Variants in ARG2 observed in about 807,000 individuals in gnomAD.
The protein encoded by ARG2 is arginase 2.
Under a neutral mutation model 39.4 loss-of-function variants are expected in ARG2, and 21 were observed. The observed-to-expected ratio is 0.53, with a 90% CI of 0.38 to 0.77. The LOEUF is 0.77. Ranked by LOEUF, ARG2 falls within the 30% of genes least tolerant of loss-of-function variation. The pLI is 0.00. For synonymous variants in ARG2, 150 were observed against 156.7 expected (o/e 0.96, Z 0.32); for missense variants, 378 against 426.2 (o/e 0.89, Z 1.00).
At chr14:67,641,795 A>C (rs1344689075) in intron 2 of ARG2, among the ~76,000 whole-genome samples, 1 of 152,072 alleles carries the variant, frequency 6.6e-6, no homozygotes, top group Non-Finnish European at 1.5e-5. Context: ...AGTTTAAAAA[A>C]ATGAGACTCT....
chr14:67,643,615 G>A (rs2037060035), intron 3 of ARG2, among the ~76,000 whole-genome samples: 1 of 152,158 alleles, frequency 6.6e-6, no homozygotes, highest in Non-Finnish European at 1.5e-5. Context: ...CTTGAGCCCA[G>A]GAGTTTGAGG....
chr14:67,650,656 A>C, intron 7 of ARG2, 59 bp from the exon 8 acceptor site: 1 of 1,467,936 alleles, frequency 6.8e-7, no homozygotes, highest in Non-Finnish European at 9.5e-7. Context: ...CAGTGGGATG[A>C]CCCTCACTGA....
Position 67,642,178 on chromosome 14 carries a change from G to A in ARG2, c.185-8G>A. 1 of 1,612,486 alleles carries A rather than the reference G, an allele frequency of 6.2e-7. No individual in the cohort carries two copies. The highest frequency in any genetic ancestry group is 8.5e-7 in the Non-Finnish European group (1 of 1,178,652). The stretch of plus-strand genomic sequence containing the variant: ...AAATTCATCTTGTCATCCCTCATTT[G>A]CTTCCAGGCTGCCACCTAAAAGACT... On this transcript the variant is annotated splice_region_variant and splice_polypyrimidine_tract_variant and intron_variant, in intron 2 of 7. Coordinates refer to ENST00000261783, the MANE Select transcript of ARG2 (RefSeq NM_001172.4).
chr14:67,646,803 C>T (rs1188586169), intron 5 of ARG2, 65 bp downstream of exon 5: 21 of 1,469,730 alleles, frequency 1.4e-5, no homozygotes, highest in Non-Finnish European at 1.9e-5. Flanking sequence ...ATTTGAAAGG[C>T]TGATGCTTAA....
chr14:67,648,344 T>A, intron 7 of ARG2, 161 bp downstream of exon 7: 1 of 737,938 alleles, frequency 1.4e-6, no homozygotes, highest in Non-Finnish European at 2.1e-6. Context: ...ATAAAAAGGA[T>A]ATAGTCCTTT....
At chr14:67,645,385 G>A (rs2037084389) in intron 3 of ARG2, among the ~76,000 whole-genome samples, 1 of 152,042 alleles carries the variant, frequency 6.6e-6, no homozygotes, top group Non-Finnish European at 1.5e-5. Context: ...AAAATTATAC[G>A]GATTTGGGGA....
Position 67,648,189 on chromosome 14 carries a change from T to C in ARG2, c.859+6T>C. 6.2e-7 allele frequency: 1 copy of C among 1,611,562 alleles called. No individual in the cohort carries two copies. The highest frequency in any genetic ancestry group is 8.5e-7 in the Non-Finnish European group (1 of 1,178,416). Reference sequence around the variant, plus strand: ...TGAGGAAATACACAATACAGGTATGTAGCAACCAGGTCTGCAGCCTGTTAA... The same window carrying C: ...TGAGGAAATACACAATACAGGTATGCAGCAACCAGGTCTGCAGCCTGTTAA... On this transcript the variant is annotated splice_donor_region_variant and intron_variant, in intron 7 of 7. Coordinates refer to ENST00000261783, the MANE Select transcript of ARG2 (RefSeq NM_001172.4).
At chr14:67,647,949 CA>C in intron 6 of ARG2, 97 bp from the exon 7 acceptor site, 1 of 1,198,290 alleles carries the variant, frequency 8.3e-7, no homozygotes, top group Non-Finnish European at 1.2e-6. Context: ...GGACTAATAG[CA>C]ACAAAATCAA....
In ARG2 at chr14:67,651,080, A is replaced by T. The variant is rs2037168911; in HGVS notation, c.*160A>T. 1 of 958,254 alleles carries T rather than the reference A, an allele frequency of 1.0e-6. No individual in the cohort carries two copies. The highest frequency in any genetic ancestry group is 1.5e-6 in the Non-Finnish European group (1 of 648,148). 59.4% of individuals were successfully genotyped at this position (958,254 alleles called of 1,614,324 possible). On this transcript the variant is annotated 3_prime_UTR_variant, in exon 8 of 8. Transcript: ENST00000261783. Reference sequence around the variant, plus strand: ...AAGTTTCCCCTCTATTTTGGTGACCAATACTACTGTAAATGTATTTGGTTT... The same window carrying T: ...AAGTTTCCCCTCTATTTTGGTGACCTATACTACTGTAAATGTATTTGGTTT...
At chr14:67,622,386 T>G (rs1389916654) in intron 2 of ARG2, among the ~76,000 whole-genome samples, 1 of 152,206 alleles carries the variant, frequency 6.6e-6, no homozygotes, top group East Asian at 1.9e-4. Flanking sequence ...GAAACAGCCT[T>G]GAGTTGAGGT....
intron 2 of ARG2, among the ~76,000 whole-genome samples, chr14:67,629,936 TATAA>T (rs1356054833): frequency 3.9e-5 from 6 of 152,186 alleles, no homozygotes; most frequent in South Asian, 2.1e-4. Flanking sequence ...AAGACAAAAA[TATAA>T]ATAGTTTCAA....
At chr14:67,638,697 A>C (rs530825234) in intron 2 of ARG2, among the ~76,000 whole-genome samples, 45 of 152,352 alleles carry the variant, frequency 3.0e-4, no homozygotes, top group African/African-American at 1.1e-3. Flanking sequence ...TAGGCCACTC[A>C]GGCAGGGCCT....
chr14:67,621,065 G>C lies in ARG2; in HGVS notation c.184+99G>C, dbSNP rs149272041. On this transcript the variant is annotated intron_variant, in intron 2 of 7. Transcript: ENST00000261783. ...AGGGACTACACAGCTTTGTGTTTGGGAACAGTCTGCCACATCCCGCATCCT... is the reference window on the plus strand; with the variant it reads ...AGGGACTACACAGCTTTGTGTTTGGCAACAGTCTGCCACATCCCGCATCCT... 3.7e-5 allele frequency: 44 copies of C among 1,176,972 alleles called. No individual in the cohort carries two copies. In the African/African-American group the frequency reaches 5.5e-4, roughly 15 times the overall value. 72.9% of individuals were successfully genotyped at this position (1,176,972 alleles called of 1,614,324 possible). A position where few individuals can be genotyped will look rare whatever the true frequency, so the allele number is the denominator to read the frequency against.
chr14:67,620,733 G>C (rs2036800814), intron 1 of ARG2, among the ~76,000 whole-genome samples, 161 bp from the exon 2 acceptor site: 1 of 152,120 alleles, frequency 6.6e-6, no homozygotes. Context: ...GGCTTGGGCA[G>C]CTGATGTGAT....
At chr14:67,623,534 C>CTTTTTT (rs60604937) in intron 2 of ARG2, among the ~76,000 whole-genome samples, 24 of 82,948 alleles carry the variant, frequency 2.9e-4, no homozygotes, top group African/African-American at 1.0e-3. Context: ...CTCAGGTAAC[C>CTTTTTT]TTTTTTTTTT....
intron 2 of ARG2, among the ~76,000 whole-genome samples, chr14:67,623,175 CTG>C (rs2036828814): frequency 6.6e-6 from 1 of 152,192 alleles, no homozygotes; most frequent in Non-Finnish European, 1.5e-5. Flanking sequence ...TTAAATAAAA[CTG>C]TGGCTCTCAG....
At chr14:67,648,568 A>T (rs1379483752) in intron 7 of ARG2, 2 of 158,378 alleles carry the variant, frequency 1.3e-5, no homozygotes, top group Non-Finnish European at 2.8e-5. Context: ...GGAGTTGTGA[A>T]TTTGGAGCTA....
chr14:67,635,129 A>G lies in ARG2; in HGVS notation c.185-7057A>G, dbSNP rs1407440474. Among the ~76,000 whole-genome samples, 4 of 152,130 alleles carry G rather than the reference A, an allele frequency of 2.6e-5. No homozygotes were observed. In the East Asian group the frequency reaches 7.7e-4, roughly 29 times the overall value. On this transcript the variant is annotated intron_variant, in intron 2 of 7. Coordinates refer to ENST00000261783, the MANE Select transcript of ARG2 (RefSeq NM_001172.4). ...TATGGTGGCGCATGCCTGTAGTCCC[A>G]GCTACTCTGGAGGCTGATATGTGAG...
rs551887229 is a variant in ARG2 at position 67,642,178 on chromosome 14, G to T, written c.185-8G>T. 3.2e-4 allele frequency: 514 copies of T among 1,612,486 alleles called. 6 individuals carry two copies. In the South Asian group the frequency reaches 5.4e-3, roughly 17 times the overall value. ...AAATTCATCTTGTCATCCCTCATTT[G>T]CTTCCAGGCTGCCACCTAAAAGACT... is the stretch of plus-strand genomic sequence containing the variant. On this transcript the variant is annotated splice_region_variant and splice_polypyrimidine_tract_variant and intron_variant, in intron 2 of 7. Coordinates refer to ENST00000261783, the MANE Select transcript of ARG2 (RefSeq NM_001172.4).
Sources: gnomAD v4.1 joint callset for allele counts (sites outside exome capture counted in the v4.1 genomes callset) on GRCh38, gnomAD v4.1.1 for gene constraint, MANE v1.5 for transcripts, NCBI Gene and HGNC (gene_info 2026-07-23, HGNC 2026-07-21) for gene names.